DENND2C: variants seen among roughly 807,000 people sequenced by gnomAD.
DENND2C encodes the protein DENN domain containing 2C.
In DENND2C, 72 loss-of-function variants were observed where a neutral mutation model predicts 112.4. That is an observed-to-expected ratio of 0.64 (90% CI 0.53 to 0.78). DENND2C has a LOEUF of 0.78. DENND2C is among the 30% of genes least tolerant of loss of function. DENND2C has a pLI of 0.00. For missense variants in DENND2C, 992 were observed against 1,113.8 expected (o/e 0.89, Z 1.56); for synonymous variants, 329 against 381.6 (o/e 0.86, Z 1.61).
At chr1:114,650,532 G>A (rs972213086) in intron 2 of DENND2C, among the ~76,000 whole-genome samples, 1 of 151,468 alleles carries the variant, frequency 6.6e-6, no homozygotes, top group Admixed American at 6.6e-5. Context: ...AATTTAGCCA[G>A]GCATAGTGGC....
At chr1:114,655,829 A>G (rs1010965088) in intron 1 of DENND2C, among the ~76,000 whole-genome samples, 4 of 149,802 alleles carry the variant, frequency 2.7e-5, no homozygotes, top group Non-Finnish European at 5.9e-5. Context: ...AAAGCACATA[A>G]AGTCCACTAA....
At chr1:114,635,017 G>A (rs1243325480) in intron 3 of DENND2C, among the ~76,000 whole-genome samples, 1 of 128,862 alleles carries the variant, frequency 7.8e-6, no homozygotes, top group African/African-American at 2.8e-5. Context: ...GATAGAGTGA[G>A]ACTCCGTCTA....
intron 3 of DENND2C, among the ~76,000 whole-genome samples, chr1:114,630,138 C>A (rs1020975917): frequency 3.3e-5 from 5 of 151,824 alleles, no homozygotes; most frequent in South Asian, 2.1e-4. Context: ...CACAGTGAAA[C>A]CCCATCTCTA....
chr1:114,667,032 C>A (rs1327224298), intron 1 of DENND2C, among the ~76,000 whole-genome samples: 2 of 152,300 alleles, frequency 1.3e-5, no homozygotes, highest in Admixed American at 6.5e-5. Flanking sequence ...TTTCTACACA[C>A]CCTGGCCTTC....
In DENND2C at chr1:114,656,402, T is replaced by TC. The variant is rs71580641; in HGVS notation, c.-573-1642_-573-1641insG. ...TATAAACATTCTTTTTCTTTCTTTCTTTTTTTTTTTTTTGAGACAGAGTCT... is the reference window on the plus strand; with the variant it reads ...TATAAACATTCTTTTTCTTTCTTTCTCTTTTTTTTTTTTTGAGACAGAGTCT... On this transcript the variant is annotated intron_variant, in intron 1 of 20. Transcript: ENST00000393274. Among the ~76,000 whole-genome samples, 49 of 31,376 alleles carry TC rather than the reference T, an allele frequency of 1.6e-3. No homozygotes were observed. The East Asian group carries it at 0.037, about 24-fold the overall frequency. The allele number at this position is 31,376 out of a possible 152,430, so 20.6% of individuals were successfully genotyped here.
In DENND2C at chr1:114,625,966, G is replaced by C; in HGVS notation, c.19C>G (p.Arg7Gly). 1 of 1,608,800 alleles carries C rather than the reference G, an allele frequency of 6.2e-7. No individual in the cohort carries two copies. Among genetic ancestry groups the C allele is most frequent in the Non-Finnish European group, 8.5e-7 (1 of 1,177,142 alleles). The change falls in exon 4 of 21, where the codon CGT (arginine) becomes GGT (glycine). Residue 7 changes from arginine (R) to glycine (G), a missense_variant. Coordinates refer to ENST00000393274, the MANE Select transcript of DENND2C (RefSeq NM_001256404.2). Reference protein sequence around the residue: MDVGFSRTTVQTLSRSH... With the variant: MDVGFSGTTVQTLSRSH... ...CTTGACAGTGTCTGAACAGTAGTAC[G>C]AGAAAAACCAACATCCATGTTCCCA...
Position 114,594,068 on chromosome 1 carries a change from C to CA in DENND2C, c.2431+404_2431+405insT, listed in dbSNP as rs1655271301. Among the ~76,000 whole-genome samples, 3 of 152,228 alleles carry CA rather than the reference C, an allele frequency of 2.0e-5. No homozygotes were observed. In the South Asian group the frequency reaches 6.2e-4, roughly 32 times the overall value. Reference sequence around the variant, plus strand: ...AAATAAAGCCACTGTTCTCACGGAACTTATGCTGTAGAATATGAGATAGTG... The same window carrying CA: ...AAATAAAGCCACTGTTCTCACGGAACATTATGCTGTAGAATATGAGATAGTG... On this transcript the variant is annotated intron_variant, in intron 18 of 20. Transcript: ENST00000393274.
At chr1:114,638,887 G>A (rs1382274294) in intron 3 of DENND2C, among the ~76,000 whole-genome samples, 3 of 151,374 alleles carry the variant, frequency 2.0e-5, no homozygotes, top group Admixed American at 1.3e-4. Context: ...TAATTGGCAA[G>A]AAACAAAGAA....
intron 2 of DENND2C, among the ~76,000 whole-genome samples, chr1:114,650,673 CAAA>C (rs58693255): frequency 3.2e-5 from 2 of 61,608 alleles, no homozygotes; most frequent in East Asian, 5.1e-4. Flanking sequence ...GACTCCGTCT[CAAA>C]AAAAAAAAAA....
At chr1:114,665,444 G>T (rs1266949617) in intron 1 of DENND2C, among the ~76,000 whole-genome samples, 17 of 152,298 alleles carry the variant, frequency 1.1e-4, no homozygotes, top group East Asian at 1.9e-4. Flanking sequence ...GACAGTCCCT[G>T]ACTTAATGAT....
chr1:114,660,319 A>G (rs1657458607), intron 1 of DENND2C, among the ~76,000 whole-genome samples: 1 of 152,248 alleles, frequency 6.6e-6, no homozygotes, highest in Non-Finnish European at 1.5e-5. Context: ...ATAAAACAGC[A>G]GTTTCAAACA....
intron 1 of DENND2C, among the ~76,000 whole-genome samples, chr1:114,666,424 T>C (rs1657650279): frequency 6.6e-6 from 1 of 152,206 alleles, no homozygotes; most frequent in Non-Finnish European, 1.5e-5. Context: ...CTTCAAGACC[T>C]AGCATCAGAA....
At chr1:114,648,779 C>T (rs1372687110) in intron 2 of DENND2C, among the ~76,000 whole-genome samples, 1 of 152,124 alleles carries the variant, frequency 6.6e-6, no homozygotes, top group African/African-American at 2.4e-5. Flanking sequence ...TTTTAAAGAC[C>T]ACTCAGGCAC....
At chr1:114,665,208 G>A (rs1657613044) in intron 1 of DENND2C, among the ~76,000 whole-genome samples, 1 of 151,100 alleles carries the variant, frequency 6.6e-6, no homozygotes, top group Non-Finnish European at 1.5e-5. Context: ...GGTCCAGGCT[G>A]CAGTGAGCTA....
intron 11 of DENND2C, among the ~76,000 whole-genome samples, chr1:114,604,677 G>C (rs1655609584): frequency 7.0e-6 from 1 of 142,742 alleles, no homozygotes. Flanking sequence ...TTTTTTTGTA[G>C]AACTGGCAAA....
In DENND2C at chr1:114,620,633, C is replaced by T. The variant is rs570366577; in HGVS notation, c.1227+1262G>A. On this transcript the variant is annotated intron_variant, in intron 7 of 20. Transcript: ENST00000393274. ...TGCTTTGTTGTGCCAACATGATCTA[C>T]CAGAGGGCGCAGCTACTGCAAGATG... Among the ~76,000 whole-genome samples, 164 of 152,282 alleles carry T rather than the reference C, an allele frequency of 1.1e-3. 1 individual carries two copies. The highest frequency in any genetic ancestry group is 2.0e-3 in the Non-Finnish European group (134 of 68,032).
chr1:114,612,521 T>C (rs79841295), intron 8 of DENND2C, among the ~76,000 whole-genome samples: 1 of 126,152 alleles, frequency 7.9e-6, no homozygotes, highest in East Asian at 2.2e-4. Context: ...ACCCAGCTAA[T>C]TTTTTTTTTT....
chr1:114,586,890 CCTAG>C (rs1050810933), intron 20 of DENND2C: 1 of 155,876 alleles, frequency 6.4e-6, no homozygotes, highest in Non-Finnish European at 1.4e-5. Context: ...TGCCAGCATG[CCTAG>C]CTAATTTTTT....
At chr1:114,638,417 G>C (rs906181899) in intron 3 of DENND2C, among the ~76,000 whole-genome samples, 1 of 152,090 alleles carries the variant, frequency 6.6e-6, no homozygotes, top group Non-Finnish European at 1.5e-5. Context: ...TGGATACATT[G>C]GACTTCATCA....
Sources: allele counts gnomAD v4.1 joint callset (sites outside exome capture counted in the v4.1 genomes callset), GRCh38; gene constraint gnomAD v4.1.1; transcripts MANE v1.5; gene names NCBI Gene and HGNC (gene_info 2026-07-23, HGNC 2026-07-21).